The following STK3 variants were observed in gnomAD, a reference collection of about 807,000 sequenced individuals.
STK3 encodes serine/threonine kinase 3.
In STK3, 41 loss-of-function variants were observed where a neutral mutation model predicts 58.0. The ratio of observed to expected loss-of-function variants is 0.71; its 90% CI spans 0.55 to 0.92. The LOEUF (loss-of-function observed/expected upper bound fraction) is 0.92. Among genes scored for constraint, STK3 ranks in the 40% least tolerant of loss-of-function variants. The pLI, the probability that STK3 is intolerant of heterozygous loss-of-function variation, is 0.00. For missense variants in STK3, 479 were observed against 602.7 expected (o/e 0.79, Z 2.15); for synonymous variants, 170 against 191.0 (o/e 0.89, Z 0.91).
chr8:98,775,110 C>A (rs1371066903), intron 1 of STK3, among the ~76,000 whole-genome samples: 2 of 152,030 alleles, frequency 1.3e-5, no homozygotes, highest in Admixed American at 6.6e-5. Context: ...ATATACACAC[C>A]CTTCTGTATA....
At chr8:98,828,437 C>CAAAAAAAAAA (rs367737626), upstream of STK3, among the ~76,000 whole-genome samples, 65 of 48,594 alleles carry the variant, frequency 1.3e-3, 1 homozygote, top group African/African-American at 1.6e-3. Flanking sequence ...CCCATCTCTA[C>CAAAAAAAAAA]AAAAAAAAAA....
chr8:98,833,321 C>A (rs1835610804), intron 3 of STK3, among the ~76,000 whole-genome samples: 1 of 151,782 alleles, frequency 6.6e-6, no homozygotes, highest in Non-Finnish European at 1.5e-5. Context: ...GAAAGAAAGT[C>A]TTGTAGTTAA....
intron 6 of STK3, among the ~76,000 whole-genome samples, chr8:98,620,068 A>C (rs1289859581): frequency 3.7e-5 from 3 of 81,296 alleles, no homozygotes; most frequent in Admixed American, 1.5e-4. Context: ...AACCAACCCA[A>C]ATGTCCAACA....
chr8:98,596,442 A>G, intron 6 of STK3: 1 of 252,016 alleles, frequency 4.0e-6, no homozygotes, highest in East Asian at 7.5e-5. Context: ...TCTAAAGAAG[A>G]CTATATTTCT....
intron 1 of STK3, among the ~76,000 whole-genome samples, chr8:98,930,925 AG>A (rs1163176895): frequency 6.6e-6 from 1 of 152,226 alleles, no homozygotes; most frequent in Non-Finnish European, 1.5e-5. Flanking sequence ...CAGCGCCTGA[AG>A]GAAAATGCTT....
intron 9 of STK3, among the ~76,000 whole-genome samples, chr8:98,529,294 G>C (rs186231122): frequency 7.9e-5 from 12 of 152,168 alleles, no homozygotes; most frequent in African/African-American, 2.6e-4. Context: ...AAGGGGGGGG[G>C]ACGGAGATTG....
intron 1 of STK3, among the ~76,000 whole-genome samples, chr8:98,824,472 A>G (rs1024599297): frequency 1.3e-5 from 2 of 152,218 alleles, no homozygotes; most frequent in Non-Finnish European, 2.9e-5. Context: ...AAAGTGCCCA[A>G]TTCTCTTATA....
At chr8:98,828,209 C>A, upstream of STK3, among the ~76,000 whole-genome samples, 1 of 152,012 alleles carries the variant, frequency 6.6e-6, no homozygotes, top group East Asian at 1.9e-4. Flanking sequence ...CTCGTGACCT[C>A]GGGCAATCCA....
At chr8:98,354,919 A>T in the STK3 span, among the ~76,000 whole-genome samples, 7 of 152,262 alleles carry the variant, frequency 4.6e-5, no homozygotes, top group African/African-American at 1.7e-4. Context: ...CTGGGATTGC[A>T]GTCGCCTGCA....
At chr8:98,699,659 G>C (rs561819749) in intron 6 of STK3, among the ~76,000 whole-genome samples, 14 of 152,176 alleles carry the variant, frequency 9.2e-5, no homozygotes, top group Non-Finnish European at 2.9e-5. Context: ...TACCAGCAGC[G>C]GTGGCTGCAG....
intron 10 of STK3, among the ~76,000 whole-genome samples, chr8:98,514,652 C>T (rs542862563): frequency 1.8e-4 from 27 of 152,078 alleles, no homozygotes; most frequent in Admixed American, 1.3e-3. Context: ...TAGAGCCAGC[C>T]TCTGCTCACT....
chr8:98,650,057 C>G (rs538675021), intron 6 of STK3, among the ~76,000 whole-genome samples: 102 of 152,076 alleles, frequency 6.7e-4, no homozygotes, highest in Non-Finnish European at 1.2e-3. Context: ...GAAAGGCTAC[C>G]AATTTCTGTG....
chr8:98,398,145 C>T (rs1817911371), downstream of STK3, among the ~76,000 whole-genome samples: 1 of 152,172 alleles, frequency 6.6e-6, no homozygotes. Context: ...CGAAGGGCAT[C>T]ACGTGTCTGG....
chr8:98,578,550 A>G (rs1385053980), intron 8 of STK3, among the ~76,000 whole-genome samples: 1 of 152,226 alleles, frequency 6.6e-6, no homozygotes, highest in Non-Finnish European at 1.5e-5. Flanking sequence ...TAATTGGTAA[A>G]AAGAGTAAAA....
At chr8:98,888,839 G>A (rs767511127) in intron 1 of STK3, among the ~76,000 whole-genome samples, 1 of 152,180 alleles carries the variant, frequency 6.6e-6, no homozygotes, top group Non-Finnish European at 1.5e-5. Flanking sequence ...AGGCCCCATG[G>A]CCCCTGTAAT....
intron 10 of STK3, among the ~76,000 whole-genome samples, chr8:98,488,706 GAC>G (rs1282248621): frequency 1.3e-5 from 2 of 152,158 alleles, no homozygotes; most frequent in Non-Finnish European, 2.9e-5. Flanking sequence ...AGAAAGAGGA[GAC>G]ACAGTCCTAA....
At chr8:98,701,510 T>C (rs1296116632) in intron 6 of STK3, among the ~76,000 whole-genome samples, 2 of 151,808 alleles carry the variant, frequency 1.3e-5, no homozygotes, top group African/African-American at 2.4e-5. Flanking sequence ...TCCCAGCTAC[T>C]TGGGAGACTG....
intron 10 of STK3, among the ~76,000 whole-genome samples, chr8:98,460,823 T>C (rs1200634283): frequency 6.6e-6 from 1 of 152,196 alleles, no homozygotes; most frequent in East Asian, 1.9e-4. Context: ...TCTGCCATGA[T>C]TATAAGTTTC....
At chr8:98,740,237 C>T (rs1038651670) in intron 4 of STK3, among the ~76,000 whole-genome samples, 1 of 152,170 alleles carries the variant, frequency 6.6e-6, no homozygotes, top group African/African-American at 2.4e-5. Context: ...TCAGGAAATA[C>T]AGAGAACGCC....
Sources: allele counts gnomAD v4.1 joint callset (sites outside exome capture counted in the v4.1 genomes callset), GRCh38; gene constraint gnomAD v4.1.1; transcripts MANE v1.5; gene names NCBI Gene and HGNC (gene_info 2026-07-23, HGNC 2026-07-21).